NXPH1: variants seen among roughly 807,000 people sequenced by gnomAD.
NXPH1 encodes neurexophilin-1.
Under a neutral mutation model 23.7 loss-of-function variants are expected in NXPH1, and 5 were observed. The ratio of observed to expected loss-of-function variants is 0.21; its 90% CI spans 0.11 to 0.44. NXPH1 has a LOEUF of 0.44. Ranked by LOEUF, NXPH1 falls within the 20% of genes least tolerant of loss-of-function variation. The pLI is 0.99. For synonymous variants in NXPH1, 144 were observed against 122.2 expected (o/e 1.18, Z -1.18); for missense variants, 324 against 321.6 (o/e 1.01, Z -0.06).
At chr7:8,610,070 T>G (rs1194704961) in intron 2 of NXPH1, among the ~76,000 whole-genome samples, 1 of 152,186 alleles carries the variant, frequency 6.6e-6, no homozygotes, top group African/African-American at 2.4e-5. Flanking sequence ...TCATAACATT[T>G]TATTTTAAAT....
At chr7:8,661,819 A>G (rs1820679840) in intron 2 of NXPH1, among the ~76,000 whole-genome samples, 1 of 152,188 alleles carries the variant, frequency 6.6e-6, no homozygotes, top group South Asian at 2.1e-4. Context: ...TTATATAAAA[A>G]TTTACTGTTG....
At chr7:8,682,683 A>G (rs889731978) in intron 2 of NXPH1, among the ~76,000 whole-genome samples, 14 of 152,218 alleles carry the variant, frequency 9.2e-5, no homozygotes, top group Admixed American at 9.2e-4. Context: ...GTACCCACCA[A>G]CTAGACTTTG....
intron 2 of NXPH1, among the ~76,000 whole-genome samples, chr7:8,570,421 TA>T (rs1297693326): frequency 6.6e-6 from 1 of 151,878 alleles, no homozygotes; most frequent in Non-Finnish European, 1.5e-5. Flanking sequence ...GAATAGTACT[TA>T]CCTTATAGGA....
chr7:8,446,982 G>A (rs1036873742), intron 2 of NXPH1, among the ~76,000 whole-genome samples: 3 of 151,690 alleles, frequency 2.0e-5, no homozygotes, highest in Non-Finnish European at 4.4e-5. Flanking sequence ...AAACAGTGCC[G>A]TGACTTATCA....
intron 2 of NXPH1, among the ~76,000 whole-genome samples, chr7:8,657,092 T>G (rs1820596375): frequency 6.6e-6 from 1 of 152,238 alleles, no homozygotes; most frequent in African/African-American, 2.4e-5. Flanking sequence ...ATATACAGTT[T>G]TAGCTACATA....
intron 2 of NXPH1, among the ~76,000 whole-genome samples, chr7:8,559,388 T>G (rs576211433): frequency 6.6e-6 from 1 of 151,876 alleles, no homozygotes; most frequent in African/African-American, 2.4e-5. Context: ...TTCCCTTAAA[T>G]TGGTAAGACA....
intron 2 of NXPH1, among the ~76,000 whole-genome samples, chr7:8,460,188 T>C (rs1438122163): frequency 1.3e-5 from 2 of 152,190 alleles, no homozygotes; most frequent in South Asian, 2.1e-4. Flanking sequence ...TTGTTAATTT[T>C]ATATAAAATT....
At chr7:8,654,328 A>G (rs1171955818) in intron 2 of NXPH1, among the ~76,000 whole-genome samples, 3 of 152,210 alleles carry the variant, frequency 2.0e-5, no homozygotes, top group East Asian at 3.8e-4. Context: ...AGCTAGAGTT[A>G]AAAAGAGAGT....
chr7:8,552,109 AAAACC>A (rs1421118038), intron 2 of NXPH1, among the ~76,000 whole-genome samples: 3 of 147,426 alleles, frequency 2.0e-5, no homozygotes, highest in South Asian at 2.1e-4. Flanking sequence ...CTGCAGAAAA[AAAACC>A]AAAAAAAAAA....
chr7:8,704,878 C>G (rs1362369866), intron 2 of NXPH1, among the ~76,000 whole-genome samples: 5 of 151,992 alleles, frequency 3.3e-5, no homozygotes, highest in African/African-American at 1.2e-4. Context: ...GCAAAATCCT[C>G]CTAAAGGTGA....
chr7:8,573,742 G>A (rs550349794), intron 2 of NXPH1, among the ~76,000 whole-genome samples: 2 of 152,180 alleles, frequency 1.3e-5, no homozygotes, highest in East Asian at 1.9e-4. Flanking sequence ...GTTATTAAAT[G>A]TCTCTGAACT....
chr7:8,694,302 G>A (rs1821269590), intron 2 of NXPH1, among the ~76,000 whole-genome samples: 1 of 152,170 alleles, frequency 6.6e-6, no homozygotes, highest in African/African-American at 2.4e-5. Context: ...GTTGTCCCTT[G>A]ACACCCATGT....
intron 2 of NXPH1, among the ~76,000 whole-genome samples, chr7:8,541,039 A>C (rs1018143020): frequency 1.3e-5 from 2 of 151,808 alleles, no homozygotes; most frequent in Non-Finnish European, 2.9e-5. Flanking sequence ...ATTTAATTGA[A>C]AACTATCAGG....
chr7:8,608,791 A>G (rs1001021506), intron 2 of NXPH1, among the ~76,000 whole-genome samples: 17 of 152,162 alleles, frequency 1.1e-4, no homozygotes, highest in Non-Finnish European at 7.3e-5. Context: ...ATGACAAATG[A>G]TTATAAGGAA....
chr7:8,685,186 G>A (rs1047458142), intron 2 of NXPH1, among the ~76,000 whole-genome samples: 1 of 151,382 alleles, frequency 6.6e-6, no homozygotes, highest in Non-Finnish European at 1.5e-5. Flanking sequence ...ACTGATAACT[G>A]AGAGTTATCC....
At chr7:8,677,644 A>G (rs1353215944) in intron 2 of NXPH1, among the ~76,000 whole-genome samples, 1 of 152,142 alleles carries the variant, frequency 6.6e-6, no homozygotes, top group Admixed American at 6.5e-5. Flanking sequence ...GAAATGAAAA[A>G]AGAAAGAAAG....
intron 2 of NXPH1, among the ~76,000 whole-genome samples, chr7:8,666,964 C>T (rs1407850042): frequency 6.6e-6 from 1 of 151,620 alleles, no homozygotes; most frequent in Non-Finnish European, 1.5e-5. Context: ...TTTTTTTGTT[C>T]ATCTACTATA....
At chr7:8,697,157 C>CAAA (rs139349283) in intron 2 of NXPH1, among the ~76,000 whole-genome samples, 4 of 104,888 alleles carry the variant, frequency 3.8e-5, no homozygotes, top group Non-Finnish European at 5.7e-5. Context: ...GATTCTGTTT[C>CAAA]AAAAAAAAAA....
chr7:8,437,750 A>G (rs893080733), intron 2 of NXPH1, among the ~76,000 whole-genome samples: 1 of 152,236 alleles, frequency 6.6e-6, no homozygotes, highest in Non-Finnish European at 1.5e-5. Context: ...CTTTAATTGT[A>G]AACTGGGAGC....
Sources: allele counts gnomAD v4.1 joint callset (sites outside exome capture counted in the v4.1 genomes callset), GRCh38; gene constraint gnomAD v4.1.1; transcripts MANE v1.5; gene names NCBI Gene and HGNC (gene_info 2026-07-23, HGNC 2026-07-21).